THOC2: variants seen among roughly 807,000 people sequenced by gnomAD.
THOC2 encodes the protein THO complex subunit 2, also known as THO complex 2.
In THOC2, 10 loss-of-function variants were observed where a neutral mutation model predicts 128.4. That is an observed-to-expected ratio of 0.08 (90% CI 0.05 to 0.13). The LOEUF is 0.13. THOC2 is among the 10% of genes least tolerant of loss of function. The probability of loss-of-function intolerance (pLI) is 1.00; values close to 1 mark genes in which losing one functional copy is unlikely to be tolerated. For missense variants in THOC2, 535 were observed against 1,155.7 expected (o/e 0.46, Z 7.79); for synonymous variants, 393 against 396.9 (o/e 0.99, Z 0.12).
chrX:123,695,625 G>A (rs2050417622), intron 7 of THOC2, among the ~76,000 whole-genome samples: 1 of 111,360 alleles, frequency 9.0e-6, no homozygotes, highest in African/African-American at 3.3e-5. Context: ...TTGCTTTTTG[G>A]TCCTCCATAA....
intron 4 of THOC2, among the ~76,000 whole-genome samples, chrX:123,698,850 G>A (rs1303799244): frequency 9.2e-6 from 1 of 108,592 alleles, no homozygotes; most frequent in Non-Finnish European, 1.9e-5. Context: ...ACTCCAGCCT[G>A]GGTGACAGAG....
chrX:123,729,430 C>T (rs1310039369), intron 1 of THOC2, among the ~76,000 whole-genome samples: 1 of 111,634 alleles, frequency 9.0e-6, no homozygotes, highest in Admixed American at 9.6e-5. Flanking sequence ...TTTTTCATGG[C>T]GTACAGTTAA....
At chrX:123,649,110 C>T (rs923149542) in intron 12 of THOC2, among the ~76,000 whole-genome samples, 11 of 111,945 alleles carry the variant, frequency 9.8e-5, no homozygotes, top group Admixed American at 3.8e-4. Context: ...GGAAGCTTCC[C>T]GAAGAAGGAA....
At chrX:123,619,087 T>A (rs1047195448) in intron 33 of THOC2, among the ~76,000 whole-genome samples, 1 of 112,108 alleles carries the variant, frequency 8.9e-6, no homozygotes, top group African/African-American at 3.2e-5. Flanking sequence ...AAATAACCTC[T>A]TCCCCGAATG....
At chrX:123,662,825 A>G (rs1408086903) in intron 12 of THOC2, among the ~76,000 whole-genome samples, 2 of 111,615 alleles carry the variant, frequency 1.8e-5, no homozygotes, top group Non-Finnish European at 1.9e-5. Flanking sequence ...TTCACTAAAG[A>G]TAACTATAAA....
rs370587835 is a variant in THOC2 at position 123,666,200 on chromosome X, G to A, written c.1191-363C>T. On this transcript the variant is annotated intron_variant, in intron 11 of 38. Transcript: ENST00000245838. ...TATCGGGAACTTGGATATGGGAATG[G>A]GCAACAAGGGATGGACCTAAGATGC... Among the ~76,000 whole-genome samples the A allele has an allele frequency of 1.7e-3, 195 of 112,064 alleles. 5 individuals are homozygous for A. The South Asian group carries it at 0.063, about 36-fold the overall frequency.
intron 1 of THOC2, among the ~76,000 whole-genome samples, chrX:123,721,092 C>T (rs1161387284): frequency 9.0e-6 from 1 of 111,171 alleles, no homozygotes; most frequent in Non-Finnish European, 1.9e-5. Context: ...AAAAAAGTTA[C>T]TTAAAAATTG....
At chrX:123,641,160 TTTCC>T (rs1398143207) in intron 15 of THOC2, among the ~76,000 whole-genome samples, 1 of 112,198 alleles carries the variant, frequency 8.9e-6, no homozygotes, top group Non-Finnish European at 1.9e-5. Context: ...ATTCTACTCC[TTTCC>T]TTCCTCTTTA....
At chrX:123,651,955 C>T (rs752556938) in intron 12 of THOC2, among the ~76,000 whole-genome samples, 42 of 111,456 alleles carry the variant, frequency 3.8e-4, no homozygotes, top group Non-Finnish European at 7.3e-4. Flanking sequence ...TTTACGAGGC[C>T]AGCATCATCC....
Position 123,732,957 on chromosome X carries a change from G to T in THOC2, c.66C>A (p.Gly22=), listed in dbSNP as rs1486289411. ...CCTCCGGCCCGAACACTCACAATTC[G>T]CCTCTCCCTGATTTCTCCCAGTTCT... ...WIKNWEKSGR[G]EFLHLCRILS... is the part of the protein sequence containing the mutation. The change falls in exon 1 of 39, where the codon GGC becomes GGA. Residue 22 remains glycine (G), a synonymous_variant. Transcript: ENST00000245838. 1 of 1,209,298 alleles carries T rather than the reference G, an allele frequency of 8.3e-7. No individual in the cohort carries two copies. The highest frequency in any genetic ancestry group is 3.0e-5 in the East Asian group (1 of 33,712).
intron 3 of THOC2, among the ~76,000 whole-genome samples, chrX:123,704,136 AAAG>A (rs1667978805): frequency 9.0e-6 from 1 of 111,559 alleles, no homozygotes; most frequent in Non-Finnish European, 1.9e-5. Flanking sequence ...ACATTTTTCC[AAAG>A]AAGTTTCGTT....
intron 3 of THOC2, among the ~76,000 whole-genome samples, chrX:123,705,238 G>A (rs918121664): frequency 3.6e-5 from 4 of 111,702 alleles, no homozygotes; most frequent in African/African-American, 1.3e-4. Context: ...AAGAAGCTAT[G>A]TAAGAACCAA....
Position 123,671,725 on chromosome X carries a change from C to T in THOC2, c.805G>A (p.Val269Ile), listed in dbSNP as rs760038019. Residue 269 changes from valine (V) to isoleucine (I), a missense_variant, in exon 9 of 39, where the codon GTT (valine) becomes ATT (isoleucine). Physicochemically the swap from Val to Ile is conservative, Grantham distance 29. Around this residue, in one of 9 missense-constraint regions of THOC2, gnomAD observed 197 missense variants for 313.4 expected, o/e 0.63. Transcript: ENST00000245838. ...TTAAATTGTAGAAGTACTGCTGCAA[C>T]TCTGTATAAAGATGATGGTGTCTCG... ...NGETPSSLYR[V>I]AAVLLQFNLI... is the part of the protein sequence containing the mutation. The T allele has an allele frequency of 1.9e-5, 22 of 1,183,381 alleles. No individual in the cohort carries two copies. The Admixed American group carries it at 4.8e-4, about 26-fold the overall frequency.
intron 11 of THOC2, among the ~76,000 whole-genome samples, chrX:123,666,498 A>G (rs1453640491): frequency 9.0e-6 from 1 of 111,555 alleles, no homozygotes; most frequent in African/African-American, 3.3e-5. Context: ...CAGCAGCTAC[A>G]CAAAAGTCAC....
Position 123,663,171 on chromosome X carries a change from T to C in THOC2, c.1386+2471A>G, listed in dbSNP as rs189191245. On this transcript the variant is annotated intron_variant, in intron 12 of 38. Transcript: ENST00000245838. ...TATTGAAAGCAGCTTTATAATAGCC[T>C]CCAGGTAGAAACAACCCAAACGCCC... Among the ~76,000 whole-genome samples, 184 of 111,860 alleles carry C rather than the reference T, an allele frequency of 1.6e-3. 1 individual carries two copies. The highest frequency in any genetic ancestry group is 5.4e-3 in the African/African-American group (167 of 30,814).
At chrX:123,705,451 C>T (rs2050888267) in intron 3 of THOC2, among the ~76,000 whole-genome samples, 1 of 111,206 alleles carries the variant, frequency 9.0e-6, no homozygotes, top group African/African-American at 3.3e-5. Flanking sequence ...ACTCAGGCCA[C>T]TTGAAGATCA....
chrX:123,639,720 G>A (rs889999652), intron 16 of THOC2, among the ~76,000 whole-genome samples: 4 of 111,445 alleles, frequency 3.6e-5, no homozygotes, highest in Admixed American at 1.9e-4. Flanking sequence ...CACTATTTGG[G>A]TGAGGAGTTC....
chrX:123,697,886 G>A lies in THOC2; in HGVS notation c.275-135C>T, dbSNP rs2050509002. ...GAATTTGGAAAAATTCAAAACTATG[G>A]TAACATGAGATGTTATATGAATGCT... On this transcript the variant is annotated intron_variant, in intron 4 of 38. Transcript: ENST00000245838. 6 of 394,997 alleles carry A rather than the reference G, an allele frequency of 1.5e-5. No homozygotes were observed. In the South Asian group the frequency reaches 2.5e-4, roughly 16 times the overall value. 32.6% of individuals were successfully genotyped at this position (394,997 alleles called of 1,213,427 possible).
At chrX:123,708,808 G>A (rs917152987) in intron 2 of THOC2, among the ~76,000 whole-genome samples, 2 of 111,203 alleles carry the variant, frequency 1.8e-5, no homozygotes, top group Non-Finnish European at 3.8e-5. Flanking sequence ...GTACAGTGGC[G>A]CAATCTTGGC....
Sources: allele counts gnomAD v4.1 joint callset (sites outside exome capture counted in the v4.1 genomes callset), GRCh38; gene constraint gnomAD v4.1.1; regional missense constraint gnomAD v4.1.1; transcripts MANE v1.5; gene names NCBI Gene and HGNC (gene_info 2026-07-23, HGNC 2026-07-21).